The following LONP2 variants were observed in gnomAD, a reference collection of about 807,000 sequenced individuals.
LONP2 encodes the protein lon protease homolog 2, peroxisomal.
LONP2 carries 60 observed loss-of-function variants against 85.6 expected under a neutral mutation model. The ratio of observed to expected loss-of-function variants is 0.70; its 90% CI spans 0.57 to 0.87. The LOEUF is 0.87. LONP2 is among the 40% of genes least tolerant of loss of function. The pLI is 0.00. For synonymous variants in LONP2, 395 were observed against 389.7 expected (o/e 1.01, Z -0.16); for missense variants, 860 against 1,063.5 (o/e 0.81, Z 2.66).
At chr16:48,253,887 C>G (rs926181746) in intron 2 of LONP2, among the ~76,000 whole-genome samples, 4 of 152,094 alleles carry the variant, frequency 2.6e-5, no homozygotes, top group Non-Finnish European at 5.9e-5. Flanking sequence ...TTTTTGTATC[C>G]ATGTCTGATG....
chr16:48,329,673 A>G (rs766880014), intron 11 of LONP2, among the ~76,000 whole-genome samples: 1 of 152,152 alleles, frequency 6.6e-6, no homozygotes, highest in Non-Finnish European at 1.5e-5. Context: ...GCCTGTGGAG[A>G]AGGGGTGACT....
intron 9 of LONP2, among the ~76,000 whole-genome samples, chr16:48,297,769 A>C (rs1474491829): frequency 6.6e-6 from 1 of 151,478 alleles, no homozygotes; most frequent in Non-Finnish European, 1.5e-5. Flanking sequence ...GCACGATCTC[A>C]GCTCACTGCA....
At chr16:48,332,265 G>A (rs150456351) in intron 11 of LONP2, among the ~76,000 whole-genome samples, 83 of 152,274 alleles carry the variant, frequency 5.5e-4, no homozygotes, top group Admixed American at 1.4e-3. Flanking sequence ...GAACCATAGC[G>A]AAACTAAAAT....
At chr16:48,293,524 G>C (rs560152179) in intron 8 of LONP2, among the ~76,000 whole-genome samples, 6 of 152,176 alleles carry the variant, frequency 3.9e-5, no homozygotes, top group Non-Finnish European at 5.9e-5. Context: ...CAAGGTGGGA[G>C]ACTACGTATA....
In LONP2 at chr16:48,337,473, A is replaced by G. The variant is rs1959685842; in HGVS notation, c.1938+3115A>G. ...CTCAGTCATGGTTGTCTTTCCAATA[A>G]CAGTTGAGGAAACAGGCTTAGAGTA... On this transcript the variant is annotated intron_variant, in intron 12 of 14. Transcript: ENST00000285737. 2.6e-5 allele frequency among the ~76,000 whole-genome samples: 4 copies of G among 152,198 alleles called. No homozygotes were observed. The South Asian group carries it at 8.3e-4, about 32-fold the overall frequency.
rs1453037575 is a variant in LONP2, at chr16:48,291,556, T to G, written c.1384-4459T>G. ...TGCGTCATATCACAGCTATTTCCAT[T>G]CCCAGTCATACTTTGTAGGTAGGAA... On this transcript the variant is annotated intron_variant, in intron 8 of 14. Transcript: ENST00000285737. Among the ~76,000 whole-genome samples the G allele has an allele frequency of 2.6e-5, 4 of 152,350 alleles. No homozygotes were observed. In the South Asian group the frequency reaches 6.2e-4, roughly 24 times the overall value.
chr16:48,248,665 C>A (rs182112563), intron 1 of LONP2, among the ~76,000 whole-genome samples: 1 of 152,058 alleles, frequency 6.6e-6, no homozygotes, highest in East Asian at 1.9e-4. Flanking sequence ...AACATCATTG[C>A]AGGAAGGTCT....
intron 12 of LONP2, among the ~76,000 whole-genome samples, chr16:48,339,677 C>A (rs1959759983): frequency 6.6e-6 from 1 of 152,018 alleles, no homozygotes; most frequent in African/African-American, 2.4e-5. Flanking sequence ...GGGGTGGGAC[C>A]CAAAGCACCA....
intron 11 of LONP2, among the ~76,000 whole-genome samples, chr16:48,329,793 C>T (rs1237651366): frequency 6.6e-6 from 1 of 152,162 alleles, no homozygotes; most frequent in Non-Finnish European, 1.5e-5. Flanking sequence ...CTTAGGAAAC[C>T]ATTTTTAGTG....
Position 48,354,926 on chromosome 16 carries a change from T to A in LONP2, c.*3124T>A, listed in dbSNP as rs1960284627. The A allele has an allele frequency of 6.6e-6, 1 of 152,174 alleles. No homozygotes were observed. The highest frequency in any genetic ancestry group is 1.9e-4 in the East Asian group (1 of 5,200). 9.4% of individuals were successfully genotyped at this position (152,174 alleles called of 1,614,324 possible). A position where few individuals can be genotyped will look rare whatever the true frequency, so the allele number is the denominator to read the frequency against. ...CTCTGCCTTGCAGAACCATGACCTA[T>A]CAAGGTGTTTTGTCAAACAAAAACT... On this transcript the variant is annotated 3_prime_UTR_variant, in exon 15 of 15. Transcript: ENST00000285737.
In LONP2 at chr16:48,356,585, C is replaced by A; in HGVS notation, c.*4783C>A. On this transcript the variant is annotated 3_prime_UTR_variant, in exon 15 of 15. Transcript: ENST00000285737. The stretch of plus-strand genomic sequence containing the variant: ...GATGATTTATGGTCCAACACTAATG[C>A]TCATTTTTTTTGTTTGTTTTACAAA... The A allele has an allele frequency of 4.1e-6, 1 of 241,956 alleles. No homozygotes were observed. Among genetic ancestry groups the A allele is most frequent in the South Asian group, 4.4e-5 (1 of 22,654 alleles). The allele number at this position is 241,956 out of a possible 1,614,324, so 15.0% of individuals were successfully genotyped here. A position where few individuals can be genotyped will look rare whatever the true frequency, so the allele number is the denominator to read the frequency against.
rs756222228 is a variant in LONP2 at position 48,351,560 on chromosome 16, A to G, written c.2338-21A>G. 5.6e-6 allele frequency: 9 copies of G among 1,605,802 alleles called. No homozygotes were observed. The East Asian group carries it at 1.8e-4, about 32-fold the overall frequency. ...CTTGAGGGTGATCATTAACCCTAAAAACTTTTTTCTCTCCTTACAGGTGGG... is the reference window on the plus strand; with the variant it reads ...CTTGAGGGTGATCATTAACCCTAAAGACTTTTTTCTCTCCTTACAGGTGGG... On this transcript the variant is annotated intron_variant, in intron 14 of 14. Transcript: ENST00000285737.
At chr16:48,300,525 C>A (rs561000133) in intron 10 of LONP2, among the ~76,000 whole-genome samples, 163 of 152,366 alleles carry the variant, frequency 1.1e-3, no homozygotes, top group African/African-American at 3.5e-3. Context: ...CAAGTCATGT[C>A]AGGCTGCCAA....
chr16:48,253,739 A>G (rs1381546498), intron 2 of LONP2, among the ~76,000 whole-genome samples: 1 of 152,130 alleles, frequency 6.6e-6, no homozygotes, highest in Non-Finnish European at 1.5e-5. Context: ...GGAACTTTTT[A>G]AACTTGTAAA....
intron 11 of LONP2, among the ~76,000 whole-genome samples, chr16:48,308,628 CAAA>C (rs545067276): frequency 1.5e-5 from 1 of 68,854 alleles, no homozygotes; most frequent in Non-Finnish European, 3.2e-5. Context: ...GACTCTGTCT[CAAA>C]AAAAAAAAAA....
chr16:48,351,285 C>T (rs796181254), intron 14 of LONP2, among the ~76,000 whole-genome samples: 36 of 152,214 alleles, frequency 2.4e-4, no homozygotes, highest in African/African-American at 8.4e-4. Context: ...ACCTGAATGC[C>T]AATTTACTTT....
chr16:48,266,867 G>A (rs1032402606), intron 6 of LONP2, among the ~76,000 whole-genome samples: 5 of 151,976 alleles, frequency 3.3e-5, no homozygotes, highest in African/African-American at 1.2e-4. Flanking sequence ...AAAGTGGACA[G>A]ATCATTTGAG....
chr16:48,274,314 C>T (rs529086533), intron 7 of LONP2, among the ~76,000 whole-genome samples: 7 of 152,030 alleles, frequency 4.6e-5, no homozygotes, highest in Non-Finnish European at 1.0e-4. Flanking sequence ...AAAGTACAAG[C>T]TTTCTCAGGC....
intron 6 of LONP2, among the ~76,000 whole-genome samples, chr16:48,266,116 G>A (rs1283626968): frequency 6.6e-6 from 1 of 152,028 alleles, no homozygotes; most frequent in African/African-American, 2.4e-5. Context: ...CGATTCTCCT[G>A]CCTCAGCCTC....
Sources: allele counts gnomAD v4.1 joint callset (sites outside exome capture counted in the v4.1 genomes callset), GRCh38; gene constraint gnomAD v4.1.1; transcripts MANE v1.5; gene names NCBI Gene and HGNC (gene_info 2026-07-23, HGNC 2026-07-21).